MICU1: variants seen among roughly 807,000 people sequenced by gnomAD.
MICU1 encodes mitochondrial calcium uptake 1.
MICU1 carries 45 observed loss-of-function variants against 56.8 expected under a neutral mutation model. That is an observed-to-expected ratio of 0.79 (90% CI 0.62 to 1.02). The LOEUF is 1.02. Ranked by LOEUF, MICU1 falls within the 50% of genes least tolerant of loss-of-function variation. The pLI is 0.00. For synonymous variants in MICU1, 186 were observed against 195.1 expected (o/e 0.95, Z 0.39); for missense variants, 504 against 587.1 (o/e 0.86, Z 1.46).
intron 6 of MICU1, among the ~76,000 whole-genome samples, chr10:72,488,521 C>A (rs1866548221): frequency 6.6e-6 from 1 of 152,090 alleles, no homozygotes; most frequent in Non-Finnish European, 1.5e-5. Context: ...ATTATATTAT[C>A]ATTATTTGCA....
intron 10 of MICU1, among the ~76,000 whole-genome samples, chr10:72,389,966 A>G (rs1863015590): frequency 6.6e-6 from 1 of 152,236 alleles, no homozygotes. Context: ...AATGAGCAAT[A>G]GAACCAGTTC....
chr10:72,477,492 C>T (rs1253438500), intron 6 of MICU1: 9 of 1,528,012 alleles, frequency 5.9e-6, no homozygotes, highest in Non-Finnish European at 6.1e-6. Context: ...CACTTGTCTA[C>T]CTTTTTGTTT....
intron 11 of MICU1, among the ~76,000 whole-genome samples, chr10:72,373,470 C>T (rs1862414328): frequency 6.6e-6 from 1 of 152,200 alleles, no homozygotes; most frequent in Admixed American, 6.5e-5. Flanking sequence ...AGCCACTCTA[C>T]AGGCTTTCCT....
At chr10:72,601,102 A>G (rs1330058753) in intron 1 of MICU1, among the ~76,000 whole-genome samples, 1 of 152,110 alleles carries the variant, frequency 6.6e-6, no homozygotes, top group East Asian at 1.9e-4. Flanking sequence ...GGTAGCTATA[A>G]AGTTCACTTT....
intron 4 of MICU1, among the ~76,000 whole-genome samples, chr10:72,545,053 C>T (rs958194678): frequency 2.0e-5 from 3 of 152,154 alleles, no homozygotes; most frequent in Non-Finnish European, 4.4e-5. Context: ...GAGCTACTGG[C>T]TAGAGTCCAG....
chr10:72,533,437 A>G (rs571641990), intron 5 of MICU1, among the ~76,000 whole-genome samples: 1 of 152,322 alleles, frequency 6.6e-6, no homozygotes, highest in South Asian at 2.1e-4. Flanking sequence ...ATAAATGCCA[A>G]TACAGTATTG....
At chr10:72,567,248 G>C (rs146658269) in intron 1 of MICU1, among the ~76,000 whole-genome samples, 14 of 152,140 alleles carry the variant, frequency 9.2e-5, no homozygotes, top group Non-Finnish European at 2.9e-5. Flanking sequence ...GGGGGCTGAG[G>C]TGAGAGCACT....
intron 5 of MICU1, among the ~76,000 whole-genome samples, chr10:72,518,683 A>G (rs1867727881): frequency 6.6e-6 from 1 of 152,078 alleles, no homozygotes. Flanking sequence ...AGAACTGGAT[A>G]TTCTTTTTTT....
At position 72,623,126 on chromosome 10, in the gene MICU1, G is replaced by A. The variant is rs1287829135; in HGVS notation, c.-2+2884C>T. On this transcript the variant is annotated intron_variant, in intron 1 of 11. Transcript: ENST00000361114. ...TTTACTAACAATACAAAAATTAGCC[G>A]GGCGTGGTGGCGCACGCTCCTGTAA... Among the ~76,000 whole-genome samples, 4 of 151,444 alleles carry A rather than the reference G, an allele frequency of 2.6e-5. No individual in the cohort carries two copies. In the East Asian group the frequency reaches 5.8e-4, roughly 22 times the overall value.
intron 4 of MICU1, among the ~76,000 whole-genome samples, chr10:72,549,191 G>T (rs1357140772): frequency 6.8e-4 from 89 of 131,522 alleles, no homozygotes; most frequent in East Asian, 3.9e-3. Flanking sequence ...GTTTTTTTTG[G>T]TTTTTTTTTT....
chr10:72,406,827 A>T (rs990500354), intron 10 of MICU1, among the ~76,000 whole-genome samples: 1 of 152,126 alleles, frequency 6.6e-6, no homozygotes, highest in Non-Finnish European at 1.5e-5. Context: ...GAGTTTCGCC[A>T]TGTTGACCAG....
intron 6 of MICU1, among the ~76,000 whole-genome samples, chr10:72,488,648 C>A (rs1386501965): frequency 6.6e-6 from 1 of 151,732 alleles, no homozygotes; most frequent in South Asian, 2.1e-4. Context: ...TTTTTTTCCC[C>A]ACTGCTCCAG....
At chr10:72,448,173 G>GTATATA (rs1202727249) in intron 8 of MICU1, among the ~76,000 whole-genome samples, 7 of 77,184 alleles carry the variant, frequency 9.1e-5, no homozygotes, top group Admixed American at 5.6e-4. Flanking sequence ...ATATGTGTGT[G>GTATATA]TATATATATA....
intron 1 of MICU1, among the ~76,000 whole-genome samples, chr10:72,572,439 T>G (rs1392853597): frequency 6.6e-6 from 1 of 152,114 alleles, no homozygotes; most frequent in Admixed American, 6.6e-5. Context: ...AACAGATCCT[T>G]GCATTTTTGA....
chr10:72,625,355 AAC>A (rs1842201529), intron 1 of MICU1, among the ~76,000 whole-genome samples: 1 of 152,238 alleles, frequency 6.6e-6, no homozygotes. Context: ...CAACTTGAAG[AAC>A]AGTTTGTTTT....
chr10:72,468,294 CTT>C (rs35225891), intron 8 of MICU1, among the ~76,000 whole-genome samples: 80,560 of 136,462 alleles, frequency 0.59, 23,489 homozygotes, highest in Non-Finnish European at 0.65. Flanking sequence ...TTAGTTTTTG[CTT>C]TTTTTTTTTT....
chr10:72,439,348 C>G (rs1864843443), intron 8 of MICU1, among the ~76,000 whole-genome samples: 1 of 152,216 alleles, frequency 6.6e-6, no homozygotes, highest in South Asian at 2.1e-4. Context: ...CAAAATTCAA[C>G]AGCCCTTCAG....
At chr10:72,550,735 C>T (rs1212978701) in intron 4 of MICU1, among the ~76,000 whole-genome samples, 1 of 152,114 alleles carries the variant, frequency 6.6e-6, no homozygotes, top group Non-Finnish European at 1.5e-5. Flanking sequence ...TGTGGTACTG[C>T]ATAAGTTTTG....
chr10:72,551,838 A>G (rs1305580353), intron 3 of MICU1, among the ~76,000 whole-genome samples: 1 of 152,088 alleles, frequency 6.6e-6, no homozygotes, highest in Non-Finnish European at 1.5e-5. Flanking sequence ...GTCTCACCAC[A>G]TTGTCCAGGC....
Sources: allele counts gnomAD v4.1 joint callset (sites outside exome capture counted in the v4.1 genomes callset), GRCh38; gene constraint gnomAD v4.1.1; transcripts MANE v1.5; gene names NCBI Gene and HGNC (gene_info 2026-07-23, HGNC 2026-07-21).